AGAP1: variants seen among roughly 807,000 people sequenced by gnomAD.
AGAP1 encodes the protein arf-GAP with GTPase, ANK repeat and PH domain-containing protein 1.
AGAP1 carries 29 observed loss-of-function variants against 105.3 expected under a neutral mutation model. That is an observed-to-expected ratio of 0.28 (90% CI 0.21 to 0.38). The LOEUF (loss-of-function observed/expected upper bound fraction) is 0.38, where lower values mean the gene tolerates loss of function less well. AGAP1 is among the 10% of genes least tolerant of loss of function. The probability of loss-of-function intolerance (pLI) is 1.00; values close to 1 mark genes in which losing one functional copy is unlikely to be tolerated. For missense variants in AGAP1, 998 were observed against 1,165.1 expected, an observed-to-expected ratio of 0.86 and a Z score of 2.09; for synonymous variants, 509 against 485.9, an observed-to-expected ratio of 1.05 and a Z score of -0.63.
chr2:235,634,206 A>G (rs1267527618), intron 1 of AGAP1, among the ~76,000 whole-genome samples: 2 of 152,234 alleles, frequency 1.3e-5, no homozygotes, highest in African/African-American at 4.8e-5. Flanking sequence ...AAATTATGGC[A>G]TATATTCCAG....
At chr2:235,846,500 G>GTTTTT (rs3059033) in intron 9 of AGAP1, among the ~76,000 whole-genome samples, 2 of 141,214 alleles carry the variant, frequency 1.4e-5, no homozygotes, top group South Asian at 4.3e-4. Context: ...CTAATTTTTG[G>GTTTTT]TTTTTTTTTT....
Position 235,544,800 on chromosome 2 carries a change from A to C in AGAP1, c.163+49951A>C, listed in dbSNP as rs550965222. 3.9e-5 allele frequency among the ~76,000 whole-genome samples: 6 copies of C among 152,254 alleles called. No individual in the cohort carries two copies. The East Asian group carries it at 1.2e-3, about 29-fold the overall frequency. ...GATGTAAAATCTGTCTTCCTACTGG[A>C]ATGTTGACTTGAGGGGACCTTTCAT... On this transcript the variant is annotated intron_variant, in intron 1 of 17. Coordinates refer to ENST00000304032, the MANE Select transcript of AGAP1 (RefSeq NM_001037131.3).
intron 1 of AGAP1, among the ~76,000 whole-genome samples, chr2:235,592,783 T>C (rs1945393668): frequency 6.6e-6 from 1 of 152,150 alleles, no homozygotes; most frequent in South Asian, 2.1e-4. Context: ...GCTAAAGCTG[T>C]GCCCTTGCAG....
chr2:235,549,676 G>A lies in AGAP1; in HGVS notation c.163+54827G>A, dbSNP rs1943739927. On this transcript the variant is annotated intron_variant, in intron 1 of 17. Coordinates refer to ENST00000304032, the MANE Select transcript of AGAP1 (RefSeq NM_001037131.3). The surrounding 1 kb of genome is among the most constrained non-coding windows in gnomAD (Gnocchi z 4.2). ...TGAGCCTAATACTGTTCACGTTTTA[G>A]CACCTGGCAAATGTATTGATACTTT... 6.6e-6 allele frequency among the ~76,000 whole-genome samples: 1 copy of A among 152,190 alleles called. No individual in the cohort carries two copies. The highest frequency in any genetic ancestry group is 2.1e-4 in the South Asian group (1 of 4,826).
chr2:235,687,970 T>C (rs112722396), intron 1 of AGAP1, among the ~76,000 whole-genome samples: 7,122 of 146,314 alleles, frequency 0.049, 539 homozygotes, highest in African/African-American at 0.17. Flanking sequence ...GGCGCCATCT[T>C]GGCTCACTGC....
At chr2:235,839,699 C>A (rs537981545) in intron 9 of AGAP1, among the ~76,000 whole-genome samples, 2 of 152,170 alleles carry the variant, frequency 1.3e-5, no homozygotes, top group Non-Finnish European at 2.9e-5. Flanking sequence ...GTTTCCACCC[C>A]CTTAAGAACA....
chr2:236,011,938 C>T (rs2056526655), intron 13 of AGAP1, among the ~76,000 whole-genome samples: 1 of 151,994 alleles, frequency 6.6e-6, no homozygotes, highest in Admixed American at 6.6e-5. Flanking sequence ...TGATTCCAGG[C>T]AGCAGCATCC....
At chr2:235,809,713 A>G (rs1288132888) in intron 9 of AGAP1, among the ~76,000 whole-genome samples, 1 of 152,124 alleles carries the variant, frequency 6.6e-6, no homozygotes, top group Non-Finnish European at 1.5e-5. Flanking sequence ...CCTTGTTTCT[A>G]AAGGAACATA....
chr2:235,718,892 A>T (rs140190444), intron 3 of AGAP1, among the ~76,000 whole-genome samples: 4 of 152,352 alleles, frequency 2.6e-5, no homozygotes, highest in African/African-American at 9.6e-5. Context: ...AGCAAAGGCC[A>T]CATTTTGTCA....
chr2:236,036,466 C>A lies in AGAP1; in HGVS notation c.1646-95C>A. On this transcript the variant is annotated intron_variant, in intron 13 of 17. Transcript: ENST00000304032. This position sits in a 1 kb window ranked among gnomAD's most constrained non-coding sequence, Gnocchi z 5.7. ...TGCGCCTCACCGGTCCATGCAGGGG[C>A]AGCTGAACCCAGAGGCGCTTCTGTG... The A allele has an allele frequency of 6.7e-7, 1 of 1,500,130 alleles. No individual in the cohort carries two copies. The highest frequency in any genetic ancestry group is 1.4e-5 in the African/African-American group (1 of 72,154). The allele number at this position is 1,500,130 out of a possible 1,614,324, so 92.9% of individuals were successfully genotyped here. A position where few individuals can be genotyped will look rare whatever the true frequency, so the allele number is the denominator to read the frequency against.
Position 236,012,873 on chromosome 2 carries a change from A to G in AGAP1, c.1646-23688A>G, listed in dbSNP as rs1232246533. 3.3e-5 allele frequency among the ~76,000 whole-genome samples: 5 copies of G among 152,066 alleles called. No individual in the cohort carries two copies. The highest frequency in any genetic ancestry group is 2.9e-5 in the Non-Finnish European group (2 of 68,024). On this transcript the variant is annotated intron_variant, in intron 13 of 17. Coordinates refer to ENST00000304032, the MANE Select transcript of AGAP1 (RefSeq NM_001037131.3). This position sits in a 1 kb window ranked among gnomAD's most constrained non-coding sequence, Gnocchi z 4.9. The stretch of plus-strand genomic sequence containing the variant: ...AGCTCACTGCAACCTCCGCCTCCAG[A>G]GTAGCTGGGATTATAGGCGTGCCCC...
chr2:236,010,115 TA>T (rs34251322), intron 13 of AGAP1, among the ~76,000 whole-genome samples: 54,847 of 140,290 alleles, frequency 0.39, 12,689 homozygotes, highest in African/African-American at 0.69. Flanking sequence ...CATGTGTTAG[TA>T]AAAAAAAAAA....
rs1230529084 is a variant in AGAP1, at chr2:236,065,583, A to AG, written c.2114+16306dup. On this transcript the variant is annotated intron_variant, in intron 16 of 17. Transcript: ENST00000304032. ...GGTGATTATCGAAAGGGAGGCCCAC[A>AG]GGGGCTGCAGAGCTTAGAAAAAGGA... 2.6e-5 allele frequency among the ~76,000 whole-genome samples: 4 copies of AG among 152,368 alleles called. No individual in the cohort carries two copies. The South Asian group carries it at 6.2e-4, about 24-fold the overall frequency.
At chr2:235,863,100 T>A (rs1487369873) in intron 9 of AGAP1, among the ~76,000 whole-genome samples, 1 of 152,226 alleles carries the variant, frequency 6.6e-6, no homozygotes, top group Non-Finnish European at 1.5e-5. Context: ...ATTCAGTAAT[T>A]CATTCATCAA....
At chr2:235,766,040 G>C (rs996496111) in intron 6 of AGAP1, among the ~76,000 whole-genome samples, 1 of 152,204 alleles carries the variant, frequency 6.6e-6, no homozygotes, top group Non-Finnish European at 1.5e-5. Context: ...AATTAGGTCT[G>C]TATCTTTTGG....
intron 1 of AGAP1, among the ~76,000 whole-genome samples, chr2:235,563,264 A>G (rs374186883): frequency 8.3e-4 from 125 of 151,342 alleles, no homozygotes; most frequent in Middle Eastern, 6.8e-3. Context: ...CCAGCACTTC[A>G]TTTCTTTCCG....
chr2:235,560,534 T>C (rs1429055495), intron 1 of AGAP1, among the ~76,000 whole-genome samples: 1 of 152,090 alleles, frequency 6.6e-6, no homozygotes, highest in African/African-American at 2.4e-5. Flanking sequence ...TCAAGGTAAT[T>C]ATGAGAGTAC....
chr2:235,687,902 T>TTC (rs1949543450), intron 1 of AGAP1, among the ~76,000 whole-genome samples: 2 of 137,528 alleles, frequency 1.5e-5, no homozygotes, highest in South Asian at 5.0e-4. Flanking sequence ...TCTCTGACTT[T>TTC]TTTTTTTTTT....
At position 235,967,098 on chromosome 2, in the gene AGAP1, C is replaced by G. The variant is rs2125337068; in HGVS notation, c.1484-1364C>G. Among the ~76,000 whole-genome samples the G allele has an allele frequency of 6.6e-6, 1 of 152,262 alleles. No homozygotes were observed. The highest frequency in any genetic ancestry group is 3.4e-3 in the Middle Eastern group (1 of 294). On this transcript the variant is annotated intron_variant, in intron 12 of 17. Coordinates refer to ENST00000304032, the MANE Select transcript of AGAP1 (RefSeq NM_001037131.3). The surrounding 1 kb of genome is among the most constrained non-coding windows in gnomAD (Gnocchi z 4.7). ...AGGGTCCTCACGGTGGCCCGCAAGC[C>G]CCCTCCTCTCCAGTGCCACCTTCCG...
Sources: allele counts gnomAD v4.1 joint callset (sites outside exome capture counted in the v4.1 genomes callset), GRCh38; gene constraint gnomAD v4.1.1; non-coding constraint Gnocchi (gnomAD v3.1); transcripts MANE v1.5; gene names NCBI Gene and HGNC (gene_info 2026-07-23, HGNC 2026-07-21).